RIN3: variants seen among roughly 807,000 people sequenced by gnomAD.
RIN3 encodes the protein Ras and Rab interactor 3.
In RIN3, 54 loss-of-function variants were observed where a neutral mutation model predicts 76.3. The observed-to-expected ratio is 0.71, with a 90% CI of 0.57 to 0.89. RIN3 has a LOEUF of 0.89. Among genes scored for constraint, RIN3 ranks in the 40% least tolerant of loss-of-function variants. The pLI, the probability that RIN3 is intolerant of heterozygous loss-of-function variation, is 0.00. For missense variants in RIN3, 1,256 were observed against 1,322.1 expected (o/e 0.95, Z 0.78); for synonymous variants, 576 against 564.0 (o/e 1.02, Z -0.30).
chr14:92,658,431 A>T (rs1887752299), intron 6 of RIN3, among the ~76,000 whole-genome samples: 1 of 152,220 alleles, frequency 6.6e-6, no homozygotes, highest in Non-Finnish European at 1.5e-5. Context: ...ACAGGGCCCG[A>T]TCACAGCGGG....
At chr14:92,659,954 G>C (rs1887818369) in intron 7 of RIN3, among the ~76,000 whole-genome samples, 2 of 152,156 alleles carry the variant, frequency 1.3e-5, no homozygotes, top group Admixed American at 6.5e-5. Context: ...ATCTTCACAT[G>C]GTGTGCTTCC....
Position 92,549,119 on chromosome 14 carries a change from G to A in RIN3, c.45-6632G>A, listed in dbSNP as rs544600574. On this transcript the variant is annotated intron_variant, in intron 1 of 9. Coordinates refer to ENST00000216487, the MANE Select transcript of RIN3 (RefSeq NM_024832.5). ...ACCAGAGCCACACTGGCTTCTACTG[G>A]CCCAAAAGCCCTCTAAGGCCAGGGA... Among the ~76,000 whole-genome samples, 50 of 152,246 alleles carry A rather than the reference G, an allele frequency of 3.3e-4. No individual in the cohort carries two copies. The South Asian group carries it at 0.01, about 31-fold the overall frequency.
intron 1 of RIN3, among the ~76,000 whole-genome samples, chr14:92,531,365 A>G (rs1180924750): frequency 6.6e-6 from 1 of 151,974 alleles, no homozygotes; most frequent in Admixed American, 6.6e-5. Flanking sequence ...CTAACCTCTC[A>G]CTCTTGAAAA....
intron 1 of RIN3, among the ~76,000 whole-genome samples, chr14:92,543,618 C>CTT (rs3033757): frequency 2.9e-4 from 25 of 84,882 alleles, no homozygotes; most frequent in Middle Eastern, 8.2e-3. Context: ...AAGGCTTTTG[C>CTT]TTTTTTTTTT....
chr14:92,531,863 C>T (rs1056925720), intron 1 of RIN3, among the ~76,000 whole-genome samples: 3 of 151,724 alleles, frequency 2.0e-5, no homozygotes, highest in Non-Finnish European at 4.4e-5. Flanking sequence ...TCTCGCCCCC[C>T]TAGTTATTTT....
chr14:92,514,906 T>G lies in RIN3; in HGVS notation c.44+930T>G, dbSNP rs1458071134. On this transcript the variant is annotated intron_variant, in intron 1 of 9. Coordinates refer to ENST00000216487, the MANE Select transcript of RIN3 (RefSeq NM_024832.5). This position sits in a 1 kb window ranked among gnomAD's most constrained non-coding sequence, Gnocchi z 7.2. The stretch of plus-strand genomic sequence containing the variant: ...CGCGTCTGGGGAGGCCATTCCCAGC[T>G]TTTTGGTTTAAAAGTCCCGGGCCTA... Among the ~76,000 whole-genome samples, 2 of 152,184 alleles carry G rather than the reference T, an allele frequency of 1.3e-5. No homozygotes were observed. The highest frequency in any genetic ancestry group is 4.8e-5 in the African/African-American group (2 of 41,440).
intron 1 of RIN3, among the ~76,000 whole-genome samples, chr14:92,554,463 T>A (rs900019663): frequency 1.3e-5 from 2 of 152,210 alleles, no homozygotes; most frequent in Admixed American, 1.3e-4. Flanking sequence ...GCTCAGGCAC[T>A]GTTGACTGGG....
At chr14:92,584,768 T>C (rs1176426778) in intron 3 of RIN3, among the ~76,000 whole-genome samples, 2 of 152,142 alleles carry the variant, frequency 1.3e-5, no homozygotes, top group Non-Finnish European at 2.9e-5. Flanking sequence ...GGACACTAGC[T>C]ACTTTTTCAT....
chr14:92,561,044 A>AATATATATATATATATAT lies in RIN3; in HGVS notation c.249+5101_249+5102insATATATATATATATATAT, dbSNP rs1555383857. On this transcript the variant is annotated intron_variant, in intron 2 of 9. Coordinates refer to ENST00000216487, the MANE Select transcript of RIN3 (RefSeq NM_024832.5). Reference sequence around the variant, plus strand: ...CTAAAAAAAAAAAAAAAAAAAAAAAAATATATATATATCTGCCATATATAT... The same window carrying AATATATATATATATATAT: ...CTAAAAAAAAAAAAAAAAAAAAAAAAATATATATATATATATATATATATATATATCTGCCATATATAT... 4.1e-3 allele frequency among the ~76,000 whole-genome samples: 100 copies of AATATATATATATATATAT among 24,386 alleles called. 2 individuals carry two copies. The highest frequency in any genetic ancestry group is 0.012 in the African/African-American group (90 of 7,720). The allele number at this position is 24,386 out of a possible 152,430, so 16.0% of individuals were successfully genotyped here. A position where few individuals can be genotyped will look rare whatever the true frequency, so the allele number is the denominator to read the frequency against.
At chr14:92,654,545 G>A (rs1040404120) in intron 6 of RIN3, among the ~76,000 whole-genome samples, 3 of 152,190 alleles carry the variant, frequency 2.0e-5, no homozygotes, top group Admixed American at 6.5e-5. Context: ...GCTTCGTAGC[G>A]AATGTTTCTT....
intron 8 of RIN3, among the ~76,000 whole-genome samples, chr14:92,684,587 A>G (rs1327394205): frequency 6.6e-6 from 1 of 152,128 alleles, no homozygotes; most frequent in Non-Finnish European, 1.5e-5. Flanking sequence ...TAACTCAGAG[A>G]CCGTGTATAT....
chr14:92,587,076 C>T (rs765529454), intron 3 of RIN3, among the ~76,000 whole-genome samples: 41 of 152,274 alleles, frequency 2.7e-4, no homozygotes, highest in African/African-American at 8.2e-4. Flanking sequence ...GGCCAGGTCA[C>T]GAAAGACCTT....
intron 3 of RIN3, among the ~76,000 whole-genome samples, chr14:92,593,927 C>T (rs1223926600): frequency 1.3e-5 from 2 of 152,096 alleles, no homozygotes; most frequent in African/African-American, 4.8e-5. Flanking sequence ...CTTCAGCACC[C>T]CTCCATCAGA....
chr14:92,673,921 G>A (rs1190336621), intron 7 of RIN3, among the ~76,000 whole-genome samples: 3 of 152,178 alleles, frequency 2.0e-5, no homozygotes, highest in Admixed American at 6.5e-5. Context: ...CGTTTGTGAC[G>A]GCTGACAGTA....
At chr14:92,564,225 G>A (rs1897856718) in intron 2 of RIN3, among the ~76,000 whole-genome samples, 1 of 152,230 alleles carries the variant, frequency 6.6e-6, no homozygotes, top group Non-Finnish European at 1.5e-5. Context: ...AAATCCAAAT[G>A]TATTTATTTG....
chr14:92,635,922 A>G (rs1178294091), intron 4 of RIN3, among the ~76,000 whole-genome samples: 1 of 152,206 alleles, frequency 6.6e-6, no homozygotes, highest in Non-Finnish European at 1.5e-5. Flanking sequence ...TTGCAGCACA[A>G]TTGGATCCAG....
chr14:92,628,948 AAG>A, intron 4 of RIN3, among the ~76,000 whole-genome samples: 1 of 152,092 alleles, frequency 6.6e-6, no homozygotes, highest in East Asian at 1.9e-4. Flanking sequence ...CAGAAAAAGA[AAG>A]AGAGAGAAAA....
Position 92,652,942 on chromosome 14 carries a change from G to A in RIN3, c.1893G>A (p.Met631Ile). 6.2e-7 allele frequency: 1 copy of A among 1,613,884 alleles called. No homozygotes were observed. The highest frequency in any genetic ancestry group is 8.5e-7 in the Non-Finnish European group (1 of 1,180,032). The change falls in exon 6 of 10, where the codon ATG becomes ATA. Residue 631 changes from methionine to isoleucine, a missense_variant. This residue lies in a region of RIN3 where 428 missense variants were observed against 521.2 expected (regional missense o/e 0.82). Transcript: ENST00000216487. The surrounding 1 kb of genome is among the most constrained non-coding windows in gnomAD (Gnocchi z 6.4). ...QDYKVYSLEM[M>I]ARQTSSTEML... Reference sequence around the variant, plus strand: ...ACAAGGTGTACAGCCTGGAGATGATGGCGCGCCAGACCTCCAGCACGGAGA... The same window carrying A: ...ACAAGGTGTACAGCCTGGAGATGATAGCGCGCCAGACCTCCAGCACGGAGA...
At chr14:92,578,282 G>C (rs541836550) in intron 3 of RIN3, among the ~76,000 whole-genome samples, 2 of 151,974 alleles carry the variant, frequency 1.3e-5, no homozygotes, top group Non-Finnish European at 2.9e-5. Flanking sequence ...CAAAAATCCT[G>C]TGTGTGCATA....
Sources: allele counts gnomAD v4.1 joint callset (sites outside exome capture counted in the v4.1 genomes callset), GRCh38; gene constraint gnomAD v4.1.1; regional missense constraint gnomAD v4.1.1; non-coding constraint Gnocchi (gnomAD v3.1); transcripts MANE v1.5; gene names NCBI Gene and HGNC (gene_info 2026-07-23, HGNC 2026-07-21).